The following CDH4 variants were observed in gnomAD, a reference collection of about 807,000 sequenced individuals.
CDH4 encodes the protein cadherin-4.
A neutral mutation model predicts 86.0 loss-of-function variants in CDH4; 33 were observed. The observed-to-expected ratio is 0.38, with a 90% CI of 0.29 to 0.51. CDH4 has a LOEUF of 0.51. Among genes scored for constraint, CDH4 ranks in the 20% least tolerant of loss-of-function variants. CDH4 has a pLI of 0.86. For missense variants in CDH4, 1,114 were observed against 1,307.4 expected, an observed-to-expected ratio of 0.85 and a Z score of 2.28; for synonymous variants, 555 against 549.4, an observed-to-expected ratio of 1.01 and a Z score of -0.14.
intron 4 of CDH4, among the ~76,000 whole-genome samples, chr20:61,843,717 C>T (rs1483185210): frequency 1.3e-5 from 2 of 151,558 alleles, no homozygotes; most frequent in Non-Finnish European, 2.9e-5. Context: ...ATTCCTGTTC[C>T]ATTTTGTTTT....
Position 61,308,007 on chromosome 20 carries a change from G to A in CDH4, c.169+53070G>A, listed in dbSNP as rs547617286. ...ACTGCCCACTGAACAGCCACATGCCGAGTCCAGGCATGGAGAGCTTCTGAA... is the reference window on the plus strand; with the variant it reads ...ACTGCCCACTGAACAGCCACATGCCAAGTCCAGGCATGGAGAGCTTCTGAA... On this transcript the variant is annotated intron_variant, in intron 2 of 15. Transcript: ENST00000614565. Among the ~76,000 whole-genome samples, 99 of 152,290 alleles carry A rather than the reference G, an allele frequency of 6.5e-4. 1 individual carries two copies. The South Asian group carries it at 0.018, about 28-fold the overall frequency.
intron 2 of CDH4, among the ~76,000 whole-genome samples, chr20:61,656,769 G>A (rs1270511965): frequency 6.6e-6 from 1 of 152,176 alleles, no homozygotes; most frequent in Non-Finnish European, 1.5e-5. Flanking sequence ...GCCAAAGGCA[G>A]GGGTCCATTC....
chr20:61,453,497 C>T (rs751646343), intron 2 of CDH4, among the ~76,000 whole-genome samples: 5 of 152,126 alleles, frequency 3.3e-5, no homozygotes, highest in Non-Finnish European at 7.4e-5. Flanking sequence ...TTACCACCCA[C>T]TTCTTAGGTC....
chr20:61,554,998 C>T (rs767027733), intron 2 of CDH4, among the ~76,000 whole-genome samples: 6 of 152,082 alleles, frequency 3.9e-5, no homozygotes, highest in Middle Eastern at 3.2e-3. Context: ...GTGAAGGTGC[C>T]CTCCCAGTAT....
intron 2 of CDH4, among the ~76,000 whole-genome samples, chr20:61,633,747 C>CGAGACCGTCAATGT (rs2086919046): frequency 6.6e-6 from 1 of 152,228 alleles, no homozygotes; most frequent in Non-Finnish European, 1.5e-5. Context: ...GGAGAACTGA[C>CGAGACCGTCAATGT]GAGACCGTCA....
chr20:61,632,501 C>T (rs2145789726), intron 2 of CDH4, among the ~76,000 whole-genome samples: 1 of 152,252 alleles, frequency 6.6e-6, no homozygotes, highest in Admixed American at 6.5e-5. Flanking sequence ...GACTTTCACA[C>T]AGGGAACCTC....
chr20:61,578,656 TCTC>T, intron 2 of CDH4, among the ~76,000 whole-genome samples: 1 of 152,208 alleles, frequency 6.6e-6, no homozygotes, highest in Non-Finnish European at 1.5e-5. Flanking sequence ...CCTGGCCACC[TCTC>T]CTCCATCTCA....
chr20:61,791,739 C>T (rs1024486570), intron 4 of CDH4, among the ~76,000 whole-genome samples: 2 of 152,154 alleles, frequency 1.3e-5, no homozygotes, highest in Admixed American at 6.5e-5. Context: ...AAGGCCTCTC[C>T]GAGGAGCCAG....
chr20:61,358,455 G>A (rs545343937), intron 2 of CDH4, among the ~76,000 whole-genome samples: 10 of 152,166 alleles, frequency 6.6e-5, no homozygotes, highest in African/African-American at 1.2e-4. Context: ...GGGGCAGAGC[G>A]AACATTTCAT....
intron 4 of CDH4, among the ~76,000 whole-genome samples, chr20:61,826,457 G>A (rs1185048406): frequency 6.6e-6 from 1 of 152,208 alleles, no homozygotes; most frequent in African/African-American, 2.4e-5. Context: ...AGAAGGCCTT[G>A]CTGATGCCCT....
chr20:61,659,673 C>A (rs1364368045), intron 2 of CDH4, among the ~76,000 whole-genome samples: 1 of 149,128 alleles, frequency 6.7e-6, no homozygotes, highest in South Asian at 2.2e-4. Context: ...CCTCAGCCAT[C>A]TGAGGCTTGG....
At chr20:61,410,475 ACTTGTTAGT>A (rs2085112290) in intron 2 of CDH4, among the ~76,000 whole-genome samples, 2 of 109,558 alleles carry the variant, frequency 1.8e-5, no homozygotes, top group Admixed American at 2.0e-4. Context: ...CCATCCTCTC[ACTTGTTAGT>A]CCATTGACCT....
chr20:61,353,035 C>T (rs6028151), intron 2 of CDH4, among the ~76,000 whole-genome samples: 74,486 of 151,550 alleles, frequency 0.49, 18,835 homozygotes, highest in Middle Eastern at 0.67. Flanking sequence ...CCATCTCCTC[C>T]CCTCCCCTCT....
chr20:61,886,429 C>T (rs1219331376), intron 7 of CDH4, among the ~76,000 whole-genome samples: 1 of 152,170 alleles, frequency 6.6e-6, no homozygotes, highest in Non-Finnish European at 1.5e-5. Context: ...GTTTTCTTCC[C>T]TCCTCTTGAA....
chr20:61,620,991 G>A (rs569535719), intron 2 of CDH4, among the ~76,000 whole-genome samples: 1 of 152,232 alleles, frequency 6.6e-6, no homozygotes, highest in African/African-American at 2.4e-5. Context: ...GTTTGCTCTC[G>A]ATCATGTCTG....
At chr20:61,806,509 T>C (rs1233522503) in intron 4 of CDH4, among the ~76,000 whole-genome samples, 1 of 152,150 alleles carries the variant, frequency 6.6e-6, no homozygotes, top group Non-Finnish European at 1.5e-5. Flanking sequence ...CATACCCAAG[T>C]GAGCATCTGA....
At chr20:61,387,477 T>C (rs1249018082) in intron 2 of CDH4, among the ~76,000 whole-genome samples, 1 of 149,896 alleles carries the variant, frequency 6.7e-6, no homozygotes, top group Admixed American at 6.6e-5. Flanking sequence ...TACATACATA[T>C]ACACACACAG....
intron 2 of CDH4, among the ~76,000 whole-genome samples, chr20:61,688,725 G>A (rs1033814238): frequency 1.3e-5 from 2 of 152,254 alleles, no homozygotes; most frequent in African/African-American, 2.4e-5. Context: ...ACTTAGAGTC[G>A]TTCCTCAATC....
chr20:61,697,918 C>T (rs112654733), intron 2 of CDH4, among the ~76,000 whole-genome samples: 42 of 152,354 alleles, frequency 2.8e-4, no homozygotes, highest in African/African-American at 9.6e-4. Flanking sequence ...TTCTCTTTTG[C>T]GGAGTAAGTG....
Sources: gnomAD v4.1 joint callset for allele counts (sites outside exome capture counted in the v4.1 genomes callset) on GRCh38, gnomAD v4.1.1 for gene constraint, MANE v1.5 for transcripts, NCBI Gene and HGNC (gene_info 2026-07-23, HGNC 2026-07-21) for gene names.